Variants in ACSF3 observed in about 807,000 individuals in gnomAD.
ACSF3 encodes the protein acyl-CoA synthetase family member 3.
ACSF3 carries 78 observed loss-of-function variants against 53.2 expected under a neutral mutation model. The observed-to-expected ratio is 1.47, with a 90% CI of 1.22 to 1.77. ACSF3 has a LOEUF of 1.77. Among genes scored for constraint, ACSF3 ranks in the 40% most tolerant of loss-of-function variants. ACSF3 has a pLI of 0.00. For missense variants in ACSF3, 937 were observed against 771.1 expected, an observed-to-expected ratio of 1.22 and a Z score of -2.55; for synonymous variants, 414 against 333.1, an observed-to-expected ratio of 1.24 and a Z score of -2.65.
intron 4 of ACSF3, among the ~76,000 whole-genome samples, chr16:89,108,837 A>C (rs1976332776): frequency 6.6e-6 from 1 of 152,188 alleles, no homozygotes. Flanking sequence ...GCTGCTATGA[A>C]CATTTACATA....
chr16:89,145,853 G>A (rs758652734), intron 9 of ACSF3, 85 bp from the exon 10 acceptor site: 51 of 1,170,962 alleles, frequency 4.4e-5, no homozygotes, highest in Non-Finnish European at 5.3e-5. Context: ...GCCAGACTGC[G>A]CTCTTCCTGT....
At chr16:89,121,577 C>T (rs962709800) in intron 7 of ACSF3, among the ~76,000 whole-genome samples, 1 of 152,218 alleles carries the variant, frequency 6.6e-6, no homozygotes, top group African/African-American at 2.4e-5. Context: ...GAAATGGAAT[C>T]TTGATTTAAA....
At position 89,123,886 on chromosome 16, in the gene ACSF3, C is replaced by T. The variant is rs188816394; in HGVS notation, c.1239+2973C>T. Reference sequence around the variant, plus strand: ...CTGGCTCCTACCACTCCCTCACATCCTGTGACATATCACAGGTACCACACA... The same window carrying T: ...CTGGCTCCTACCACTCCCTCACATCTTGTGACATATCACAGGTACCACACA... On this transcript the variant is annotated intron_variant, in intron 7 of 10. Coordinates refer to ENST00000614302, the MANE Select transcript of ACSF3 (RefSeq NM_001243279.3). Among the ~76,000 whole-genome samples, 6 of 152,338 alleles carry T rather than the reference C, an allele frequency of 3.9e-5. No individual in the cohort carries two copies. The East Asian group carries it at 1.2e-3, about 29-fold the overall frequency.
At chr16:89,109,403 C>CGTTTTTTTTTTT (rs1906305939) in intron 4 of ACSF3, among the ~76,000 whole-genome samples, 1 of 50,648 alleles carries the variant, frequency 2.0e-5, no homozygotes, top group Non-Finnish European at 3.5e-5. Flanking sequence ...TGATGTTAAG[C>CGTTTTTTTTTTT]TTTTTTTTTT....
At position 89,111,466 on chromosome 16, in the gene ACSF3, G is replaced by A. The variant is rs528839380; in HGVS notation, c.823-626G>A. ...TTAGGTGCTGACCCCACAGCACGAA[G>A]AGTGCCCTCCTCCCTCCGCCACACC... On this transcript the variant is annotated intron_variant, in intron 4 of 10. Coordinates refer to ENST00000614302, the MANE Select transcript of ACSF3 (RefSeq NM_001243279.3). Among the ~76,000 whole-genome samples the A allele has an allele frequency of 1.3e-3, 195 of 152,366 alleles. 1 individual carries two copies. Among genetic ancestry groups the A allele is most frequent in the Non-Finnish European group, 2.4e-3 (161 of 68,038 alleles).
chr16:89,101,444 G>T, intron 3 of ACSF3, 97 bp downstream of exon 3: 1 of 1,540,754 alleles, frequency 6.5e-7, no homozygotes. Flanking sequence ...CTTTTCTGTG[G>T]AGTCATTCAC....
At chr16:89,138,033 C>T (rs1000916249) in intron 8 of ACSF3, among the ~76,000 whole-genome samples, 2 of 152,224 alleles carry the variant, frequency 1.3e-5, no homozygotes, top group East Asian at 3.9e-4. Context: ...GACCTTGTGA[C>T]TTAGTTGGGA....
At position 89,127,221 on chromosome 16, in the gene ACSF3, G is replaced by C. The variant is rs568078059; in HGVS notation, c.1240-5915G>C. On this transcript the variant is annotated intron_variant, in intron 7 of 10. Transcript: ENST00000614302. ...TTGGGTTGTGTTTGAGGGTGATGCT[G>C]GCCTCATTAAATGAGTTGGGAAGTG... is the stretch of plus-strand genomic sequence containing the variant. Among the ~76,000 whole-genome samples, 3 of 152,058 alleles carry C rather than the reference G, an allele frequency of 2.0e-5. No individual in the cohort carries two copies. In the South Asian group the frequency reaches 6.2e-4, roughly 32 times the overall value.
intron 3 of ACSF3, chr16:89,102,388 C>T (rs1975448039): frequency 4.8e-6 from 3 of 628,596 alleles, no homozygotes; most frequent in East Asian, 5.6e-5. Flanking sequence ...TGGCGCTGTC[C>T]TCTGTCCCCA....
At position 89,118,926 on chromosome 16, in the gene ACSF3, C is replaced by T. The variant is rs143668054; in HGVS notation, c.1127-1875C>T. Among the ~76,000 whole-genome samples the T allele has an allele frequency of 4.7e-3, 712 of 152,326 alleles. 9 individuals carry two copies. The highest frequency in any genetic ancestry group is 0.04 in the South Asian group (191 of 4,832). ...GGCCTTTGCGGGGCCAGCCTCTGTCCACTCTCTTGAGCTCTCATGTCCACA... is the reference window on the plus strand; with the variant it reads ...GGCCTTTGCGGGGCCAGCCTCTGTCTACTCTCTTGAGCTCTCATGTCCACA... On this transcript the variant is annotated intron_variant, in intron 6 of 10. Transcript: ENST00000614302.
chr16:89,102,559 C>G (rs1363530794), intron 3 of ACSF3, 45 bp from the exon 4 acceptor site: 11 of 1,610,008 alleles, frequency 6.8e-6, no homozygotes, highest in African/African-American at 1.3e-5. Flanking sequence ...CTGTTGCGGG[C>G]CACAGTCTTG....
At chr16:89,117,809 G>A (rs1409636025) in intron 6 of ACSF3, among the ~76,000 whole-genome samples, 1 of 152,196 alleles carries the variant, frequency 6.6e-6, no homozygotes, top group Non-Finnish European at 1.5e-5. Flanking sequence ...GTCCCCGGCT[G>A]AGGAGGGGGA....
chr16:89,153,568 CT>C (rs1220322990), intron 10 of ACSF3: 1 of 182,176 alleles, frequency 5.5e-6, no homozygotes, highest in Non-Finnish European at 1.2e-5. Flanking sequence ...TCTGTGAGGC[CT>C]CTTGCCACAT....
At position 89,154,909 on chromosome 16, in the gene ACSF3, C is replaced by CA. The variant is rs1306755984; in HGVS notation, c.*702_*703insA. 11 of 453,960 alleles carry CA rather than the reference C, an allele frequency of 2.4e-5. No individual in the cohort carries two copies. Among genetic ancestry groups the CA allele is most frequent in the Non-Finnish European group, 4.4e-5 (10 of 226,790 alleles). 28.1% of individuals were successfully genotyped at this position (453,960 alleles called of 1,614,324 possible). A position where few individuals can be genotyped will look rare whatever the true frequency, so the allele number is the denominator to read the frequency against. The stretch of plus-strand genomic sequence containing the variant: ...CCTGCCTCACCCCCCAGCGCAGGGA[C>CA]TTTCCAGGTCATCTCCACACCAGCC... On this transcript the variant is annotated 3_prime_UTR_variant, in exon 11 of 11. Transcript: ENST00000614302.
chr16:89,094,211 G>T (rs1974343055), intron 1 of ACSF3, among the ~76,000 whole-genome samples: 1 of 152,082 alleles, frequency 6.6e-6, no homozygotes, highest in Admixed American at 6.5e-5. Flanking sequence ...CCCGCGCGGG[G>T]TGCGGGGAGA....
intron 10 of ACSF3, among the ~76,000 whole-genome samples, chr16:89,146,850 C>G (rs900721113): frequency 2.0e-5 from 3 of 152,210 alleles, no homozygotes; most frequent in Non-Finnish European, 4.4e-5. Context: ...TGGTCACGCC[C>G]AGGGCTGAAC....
At chr16:89,130,560 T>C (rs1271014892) in intron 7 of ACSF3, among the ~76,000 whole-genome samples, 1 of 152,128 alleles carries the variant, frequency 6.6e-6, no homozygotes, top group Non-Finnish European at 1.5e-5. Context: ...GGTGACAGAA[T>C]GAGAGTCTGT....
chr16:89,100,785 C>T lies in ACSF3; in HGVS notation c.104C>T (p.Ala35Val). The T allele has an allele frequency of 6.2e-7, 1 of 1,611,356 alleles. No individual in the cohort carries two copies. ...RHRGSGLLHTAPVARSDRSAP... is the reference protein window; with the variant it reads ...RHRGSGLLHTVPVARSDRSAP... ...AGAGGAAGTGGTCTTCTGCACACAG[C>T]CCCAGTGGCCCGCTCGGACAGGAGC... Residue 35 changes from alanine (A) to valine (V), a missense_variant, in exon 3 of 11, where the codon GCC becomes GTC. Ala to Val is a moderately conservative substitution (Grantham distance 64). Coordinates refer to ENST00000614302, the MANE Select transcript of ACSF3 (RefSeq NM_001243279.3).
intron 2 of ACSF3, 103 bp from the exon 3 acceptor site, chr16:89,100,559 A>T: frequency 1.7e-6 from 2 of 1,144,618 alleles, no homozygotes; most frequent in Non-Finnish European, 2.5e-6. Context: ...AAGGTGCAGC[A>T]GGCGTACCTG....
Sources: gnomAD v4.1 joint callset for allele counts (sites outside exome capture counted in the v4.1 genomes callset) on GRCh38, gnomAD v4.1.1 for gene constraint, MANE v1.5 for transcripts, NCBI Gene and HGNC (gene_info 2026-07-23, HGNC 2026-07-21) for gene names.